CLIP1: variants seen among roughly 807,000 people sequenced by gnomAD.
CLIP1 encodes the protein CAP-Gly domain-containing linker protein 1.
CLIP1 carries 66 observed loss-of-function variants against 161.6 expected under a neutral mutation model. The ratio of observed to expected loss-of-function variants is 0.41; its 90% CI spans 0.33 to 0.50. The LOEUF is 0.50. Ranked by LOEUF, CLIP1 falls within the 20% of genes least tolerant of loss-of-function variation. CLIP1 has a pLI of 0.27. For synonymous variants in CLIP1, 598 were observed against 626.2 expected, an observed-to-expected ratio of 0.96 and a Z score of 0.67; for missense variants, 1,376 against 1,702.0, an observed-to-expected ratio of 0.81 and a Z score of 3.37.
chr12:122,385,056 A>T (rs1593215285), intron 1 of CLIP1, among the ~76,000 whole-genome samples: 1 of 150,616 alleles, frequency 6.6e-6, no homozygotes, highest in Non-Finnish European at 1.5e-5. Context: ...CCTCAGACTC[A>T]TGAGTAGCTG....
At chr12:122,372,681 A>G (rs1954515728) in intron 3 of CLIP1, among the ~76,000 whole-genome samples, 1 of 152,140 alleles carries the variant, frequency 6.6e-6, no homozygotes, top group African/African-American at 2.4e-5. Flanking sequence ...AGTAAAATCC[A>G]TTGTGTTAGA....
intron 10 of CLIP1, chr12:122,342,769 TAGTG>T (rs1952563830): frequency 6.7e-6 from 1 of 150,154 alleles, no homozygotes; most frequent in African/African-American, 2.5e-5. Context: ...GTTGAGGCTA[TAGTG>T]AGTAATTGTG....
intron 3 of CLIP1, among the ~76,000 whole-genome samples, chr12:122,374,490 G>A (rs1310041008): frequency 7.3e-5 from 11 of 151,618 alleles, no homozygotes; most frequent in African/African-American, 9.7e-5. Flanking sequence ...GCAGCCAGGC[G>A]CGGTGGCTCA....
In CLIP1 at chr12:122,405,724, G is replaced by A. The variant is rs1299230619; in HGVS notation, c.-107+16797C>T. Among the ~76,000 whole-genome samples, 4 of 150,872 alleles carry A rather than the reference G, an allele frequency of 2.7e-5. No homozygotes were observed. In the South Asian group the frequency reaches 6.2e-4, roughly 24 times the overall value. On this transcript the variant is annotated intron_variant, in intron 1 of 25. Coordinates refer to ENST00000620786, the MANE Select transcript of CLIP1 (RefSeq NM_001247997.2). Reference sequence around the variant, plus strand: ...AATCACTTGAGCAAGGGAGGCAGAGGTTGCAGTGAGCAGAGATCATGCCAC... The same window carrying A: ...AATCACTTGAGCAAGGGAGGCAGAGATTGCAGTGAGCAGAGATCATGCCAC...
At chr12:122,283,744 C>T (rs1214022549) in intron 21 of CLIP1, among the ~76,000 whole-genome samples, 4 of 152,114 alleles carry the variant, frequency 2.6e-5, no homozygotes, top group African/African-American at 9.7e-5. Context: ...CCGCACCCAG[C>T]CGGATTCTAA....
At position 122,273,979 on chromosome 12, in the gene CLIP1, C is replaced by T. The variant is rs375667966; in HGVS notation, c.4091+59G>A. 17 of 1,535,682 alleles carry T rather than the reference C, an allele frequency of 1.1e-5. 1 individual carries two copies. Among genetic ancestry groups the T allele is most frequent in the African/African-American group, 4.1e-5 (3 of 73,326 alleles). Reference sequence around the variant, plus strand: ...ACTCCTGACCCTCAAGTGGTCCGCCCGCCTCGGCCTCCCAAAGTGCTGGGA... The same window carrying T: ...ACTCCTGACCCTCAAGTGGTCCGCCTGCCTCGGCCTCCCAAAGTGCTGGGA... On this transcript the variant is annotated intron_variant, in intron 25 of 25. Transcript: ENST00000620786.
rs952045798 is a variant in CLIP1 at position 122,354,634 on chromosome 12, G to A, written c.1204-78C>T. 6.9e-6 allele frequency: 8 copies of A among 1,166,918 alleles called. No individual in the cohort carries two copies. The East Asian group carries it at 9.5e-5, about 14-fold the overall frequency. The allele number at this position is 1,166,918 out of a possible 1,614,324, so 72.3% of individuals were successfully genotyped here. On this transcript the variant is annotated intron_variant, in intron 6 of 25. Transcript: ENST00000620786. ...CCCAGTGATACTTCTCCAAAGAGCT[G>A]TGGGTCACCATGGTGGGTGGGCGTT...
chr12:122,339,398 C>T (rs1952389555), intron 11 of CLIP1, among the ~76,000 whole-genome samples: 1 of 151,978 alleles, frequency 6.6e-6, no homozygotes, highest in African/African-American at 2.4e-5. Flanking sequence ...GGTACAGTGG[C>T]ACGATCTCAG....
rs566334404 is a variant in CLIP1, at chr12:122,291,185, G to A, written c.3595-2644C>T. Among the ~76,000 whole-genome samples, 81 of 150,188 alleles carry A rather than the reference G, an allele frequency of 5.4e-4. 1 individual carries two copies. Among genetic ancestry groups the A allele is most frequent in the Non-Finnish European group, 1.0e-3 (68 of 67,610 alleles). On this transcript the variant is annotated intron_variant, in intron 20 of 25. Coordinates refer to ENST00000620786, the MANE Select transcript of CLIP1 (RefSeq NM_001247997.2). Reference sequence around the variant, plus strand: ...TGGGATTACAGGTGTCAGCTTCTGCGCCCGACCCTTTTCTTTTTTTTTGAG... The same window carrying A: ...TGGGATTACAGGTGTCAGCTTCTGCACCCGACCCTTTTCTTTTTTTTTGAG...
chr12:122,396,933 A>ATTTTTTT (rs34381270), intron 1 of CLIP1, among the ~76,000 whole-genome samples: 1 of 75,060 alleles, frequency 1.3e-5, no homozygotes, highest in African/African-American at 5.3e-5. Flanking sequence ...CACCCGGCAA[A>ATTTTTTT]TTTTTTTTTT....
intron 1 of CLIP1, among the ~76,000 whole-genome samples, chr12:122,384,381 T>C (rs184393553): frequency 1.3e-5 from 2 of 152,232 alleles, no homozygotes; most frequent in African/African-American, 4.8e-5. Flanking sequence ...GCTGTGAAGG[T>C]AGGTGTGCAA....
chr12:122,331,115 A>C (rs540270222), intron 15 of CLIP1, among the ~76,000 whole-genome samples: 1 of 151,132 alleles, frequency 6.6e-6, no homozygotes, highest in Admixed American at 6.6e-5. Flanking sequence ...CCCGGGTCCA[A>C]CTGATTCTCC....
At chr12:122,342,815 G>A (rs1952565944) in intron 10 of CLIP1, 1 of 142,608 alleles carries the variant, frequency 7.0e-6, no homozygotes, top group Admixed American at 7.2e-5. Flanking sequence ...GACAGAGCAC[G>A]ACTCTGTCTC....
intron 18 of CLIP1, among the ~76,000 whole-genome samples, chr12:122,318,545 A>G (rs1489538904): frequency 1.3e-5 from 2 of 152,130 alleles, no homozygotes; most frequent in South Asian, 2.1e-4. Flanking sequence ...AAACAACAAC[A>G]ACAAAACAAA....
chr12:122,328,652 T>G (rs1272306118), intron 15 of CLIP1, among the ~76,000 whole-genome samples: 1 of 152,210 alleles, frequency 6.6e-6, no homozygotes, highest in Non-Finnish European at 1.5e-5. Context: ...TGGCATGATC[T>G]CCGCTCACTG....
At chr12:122,373,622 AT>A (rs1954568136) in intron 3 of CLIP1, among the ~76,000 whole-genome samples, 1 of 152,154 alleles carries the variant, frequency 6.6e-6, no homozygotes, top group Non-Finnish European at 1.5e-5. Context: ...TCTATTAACA[AT>A]TTTAAATTAT....
At chr12:122,382,949 C>CT (rs1285273013) in intron 1 of CLIP1, among the ~76,000 whole-genome samples, 3 of 152,160 alleles carry the variant, frequency 2.0e-5, no homozygotes, top group Admixed American at 6.6e-5. Context: ...AAACCACCTG[C>CT]TTTACTGTCA....
intron 1 of CLIP1, among the ~76,000 whole-genome samples, chr12:122,382,120 G>C (rs1321109769): frequency 1.3e-5 from 2 of 152,120 alleles, no homozygotes; most frequent in Non-Finnish European, 2.9e-5. Context: ...CCAGCACTTT[G>C]AGAGGCCGAG....
At chr12:122,297,102 T>C (rs1254694417) in intron 20 of CLIP1, among the ~76,000 whole-genome samples, 1 of 152,088 alleles carries the variant, frequency 6.6e-6, no homozygotes, top group Non-Finnish European at 1.5e-5. Context: ...CAGAGAACAA[T>C]GTTACAGTGA....
Sources: allele counts gnomAD v4.1 joint callset (sites outside exome capture counted in the v4.1 genomes callset), GRCh38; gene constraint gnomAD v4.1.1; transcripts MANE v1.5; gene names NCBI Gene and HGNC (gene_info 2026-07-23, HGNC 2026-07-21).